MGMT: variants seen among roughly 807,000 people sequenced by gnomAD.
The protein encoded by MGMT is methylated-DNA--protein-cysteine methyltransferase.
MGMT carries 14 observed loss-of-function variants against 15.9 expected under a neutral mutation model. That is an observed-to-expected ratio of 0.88 (90% CI 0.58 to 1.37). The LOEUF (loss-of-function observed/expected upper bound fraction) is 1.37. MGMT is among the 40% of genes most tolerant of loss of function. The probability of loss-of-function intolerance (pLI) is 0.00; values close to 1 mark genes in which losing one functional copy is unlikely to be tolerated. For synonymous variants in MGMT, 130 were observed against 118.2 expected (o/e 1.10, Z -0.65); for missense variants, 282 against 268.1 (o/e 1.05, Z -0.36).
intron 2 of MGMT, among the ~76,000 whole-genome samples, chr10:129,656,251 T>A (rs1449696335): frequency 6.6e-6 from 1 of 152,180 alleles, no homozygotes; most frequent in African/African-American, 2.4e-5. Context: ...CAAACATCCA[T>A]GGCATGAGGG....
intron 1 of MGMT, among the ~76,000 whole-genome samples, chr10:129,504,527 GT>G (rs1220336595): frequency 1.3e-5 from 2 of 152,190 alleles, no homozygotes; most frequent in Non-Finnish European, 2.9e-5. Context: ...CGACACTGTT[GT>G]TTGGGATGGG....
chr10:129,531,532 G>A (rs901733299), intron 1 of MGMT, among the ~76,000 whole-genome samples: 1 of 152,036 alleles, frequency 6.6e-6, no homozygotes, highest in African/African-American at 2.4e-5. Flanking sequence ...ACACCTGCTA[G>A]GTCAGCCCTG....
intron 3 of MGMT, among the ~76,000 whole-genome samples, chr10:129,755,502 G>A (rs1848795375): frequency 6.6e-6 from 1 of 152,220 alleles, no homozygotes; most frequent in Admixed American, 6.5e-5. Flanking sequence ...CCTGCTAGCT[G>A]CAGCCTGGCT....
intron 2 of MGMT, among the ~76,000 whole-genome samples, chr10:129,645,225 TTCTGCTGCC>T (rs2133092877): frequency 6.6e-6 from 1 of 151,640 alleles, no homozygotes; most frequent in Non-Finnish European, 1.5e-5. Flanking sequence ...GTTCAAGCGA[TTCTGCTGCC>T]TCAGCCTCCT....
chr10:129,531,756 G>A (rs1383934219), intron 1 of MGMT, among the ~76,000 whole-genome samples: 2 of 134,264 alleles, frequency 1.5e-5, no homozygotes, highest in South Asian at 4.9e-4. Flanking sequence ...CTTTGTGGGA[G>A]GCTTGCTCTT....
At chr10:129,558,656 G>T (rs1846242350) in intron 2 of MGMT, among the ~76,000 whole-genome samples, 2 of 152,152 alleles carry the variant, frequency 1.3e-5, no homozygotes, top group South Asian at 2.1e-4. Context: ...AGTCTTTGTT[G>T]TGTTATTGTG....
intron 2 of MGMT, among the ~76,000 whole-genome samples, chr10:129,551,924 C>A (rs546196071): frequency 6.2e-4 from 95 of 152,290 alleles, no homozygotes; most frequent in African/African-American, 2.0e-3. Context: ...GGCGAGTCCC[C>A]AGGGTGTGGG....
chr10:129,608,266 G>A (rs964675356), intron 2 of MGMT, among the ~76,000 whole-genome samples: 4 of 152,218 alleles, frequency 2.6e-5, no homozygotes, highest in Non-Finnish European at 5.9e-5. Context: ...GCGTAGCCCG[G>A]AGCAGAGTGT....
intron 2 of MGMT, among the ~76,000 whole-genome samples, chr10:129,605,786 G>A (rs976556801): frequency 3.3e-5 from 5 of 152,150 alleles, no homozygotes; most frequent in Admixed American, 6.5e-5. Flanking sequence ...TTGGTCTTGC[G>A]GGTTAATTCG....
chr10:129,737,216 A>C lies in MGMT; in HGVS notation c.275-21986A>C, dbSNP rs544972481. ...TACACCAATCAGACATAGATTTGGT[A>C]TTTTCACATAGTCCCATATTTCTTG... is the stretch of plus-strand genomic sequence containing the variant. On this transcript the variant is annotated intron_variant, in intron 3 of 4. Transcript: ENST00000651593. 2.4e-4 allele frequency among the ~76,000 whole-genome samples: 37 copies of C among 152,196 alleles called. No homozygotes were observed. In the East Asian group the frequency reaches 4.8e-3, roughly 20 times the overall value.
chr10:129,502,734 G>A (rs772594994), intron 1 of MGMT, among the ~76,000 whole-genome samples: 1 of 152,124 alleles, frequency 6.6e-6, no homozygotes, highest in Admixed American at 6.5e-5. Flanking sequence ...GAAACCACAC[G>A]TGGGGATTCA....
At chr10:129,646,641 A>T (rs1847392095) in intron 2 of MGMT, among the ~76,000 whole-genome samples, 1 of 149,156 alleles carries the variant, frequency 6.7e-6, no homozygotes. Context: ...AACACGTGGC[A>T]TCCTCACTGG....
At chr10:129,709,336 G>T (rs1000785372) in intron 3 of MGMT, among the ~76,000 whole-genome samples, 1 of 152,216 alleles carries the variant, frequency 6.6e-6, no homozygotes, top group African/African-American at 2.4e-5. Flanking sequence ...CCAATTAGAC[G>T]GTGTGGGGGA....
At chr10:129,587,714 G>A (rs1444275818) in intron 2 of MGMT, among the ~76,000 whole-genome samples, 1 of 151,720 alleles carries the variant, frequency 6.6e-6, no homozygotes, top group Non-Finnish European at 1.5e-5. Context: ...GGGATTACAG[G>A]TGTGAGCCAC....
chr10:129,482,137 T>C (rs997617978), intron 1 of MGMT, among the ~76,000 whole-genome samples: 1 of 152,220 alleles, frequency 6.6e-6, no homozygotes, highest in Non-Finnish European at 1.5e-5. Flanking sequence ...CCAATTTTCC[T>C]TGTGGTTTCT....
chr10:129,746,572 T>C (rs1382495201), intron 3 of MGMT, among the ~76,000 whole-genome samples: 2 of 152,222 alleles, frequency 1.3e-5, no homozygotes, highest in Non-Finnish European at 1.5e-5. Flanking sequence ...GAAAATAATA[T>C]GCTTTCTTCA....
chr10:129,761,987 C>T (rs1236499090), intron 4 of MGMT, among the ~76,000 whole-genome samples: 1 of 152,226 alleles, frequency 6.6e-6, no homozygotes, highest in East Asian at 1.9e-4. Context: ...AGGTTGACAG[C>T]CTCCCAAGTT....
chr10:129,518,925 A>G (rs1845774524), intron 1 of MGMT, among the ~76,000 whole-genome samples: 1 of 151,642 alleles, frequency 6.6e-6, no homozygotes, highest in Admixed American at 6.6e-5. Context: ...GTATTATAGT[A>G]GCTCTGTGCA....
chr10:129,678,696 T>G lies in MGMT; in HGVS notation c.126-29199T>G, dbSNP rs187148816. ...CTGGGGCGAAATCCACTCCCTAATG[T>G]TTTAATGACACAGGATCCACTATGC... On this transcript the variant is annotated intron_variant, in intron 2 of 4. Transcript: ENST00000651593. 8.5e-5 allele frequency among the ~76,000 whole-genome samples: 13 copies of G among 152,226 alleles called. No homozygotes were observed. The East Asian group carries it at 2.5e-3, about 29-fold the overall frequency.
Sources: gnomAD v4.1 joint callset for allele counts (sites outside exome capture counted in the v4.1 genomes callset) on GRCh38, gnomAD v4.1.1 for gene constraint, MANE v1.5 for transcripts, NCBI Gene and HGNC (gene_info 2026-07-23, HGNC 2026-07-21) for gene names.